Variants in TMEM63A observed in about 807,000 individuals in gnomAD.
TMEM63A encodes the protein transmembrane protein 63A.
In TMEM63A, 76 loss-of-function variants were observed where a neutral mutation model predicts 100.6. The observed-to-expected ratio is 0.76, with a 90% CI of 0.63 to 0.91. The LOEUF (loss-of-function observed/expected upper bound fraction) is 0.91, where lower values mean the gene tolerates loss of function less well. Among genes scored for constraint, TMEM63A ranks in the 40% least tolerant of loss-of-function variants. The pLI, the probability that TMEM63A is intolerant of heterozygous loss-of-function variation, is 0.00. For synonymous variants in TMEM63A, 401 were observed against 401.1 expected (o/e 1.00, Z 0.00); for missense variants, 876 against 1,008.8 (o/e 0.87, Z 1.78).
Position 225,848,885 on chromosome 1 carries a change from G to A in TMEM63A, c.2187+12C>T, listed in dbSNP as rs1401921680. 18 of 1,566,394 alleles carry A rather than the reference G, an allele frequency of 1.1e-5. No individual in the cohort carries two copies. Among genetic ancestry groups the A allele is most frequent in the African/African-American group, 6.7e-5 (5 of 74,314 alleles). On this transcript the variant is annotated intron_variant, in intron 22 of 24. Transcript: ENST00000366835. ...CAGGGCTTGACCGGGCAGTGGGGTC[G>A]GGGGCCTTTACTTTGTAGTTCAGAG...
intron 20 of TMEM63A, among the ~76,000 whole-genome samples, chr1:225,851,605 G>A (rs1447841222): frequency 6.6e-6 from 1 of 152,176 alleles, no homozygotes; most frequent in Non-Finnish European, 1.5e-5. Flanking sequence ...TTTGACCTCA[G>A]GTGATGCACT....
intron 5 of TMEM63A, chr1:225,871,734 G>C (rs1302676775): frequency 1.2e-5 from 6 of 502,384 alleles, no homozygotes; most frequent in Non-Finnish European, 2.1e-5. Context: ...ATAGGTGTAA[G>C]AGAGAGAAGT....
downstream of TMEM63A, chr1:225,845,398 C>T (rs1407982231): frequency 6.7e-7 from 1 of 1,492,244 alleles, no homozygotes; most frequent in Non-Finnish European, 9.0e-7. Context: ...GCCCTCCAGG[C>T]TTTTCTTGGG....
intron 3 of TMEM63A, among the ~76,000 whole-genome samples, 159 bp downstream of exon 3, chr1:225,877,236 A>G (rs1227509278): frequency 2.0e-5 from 3 of 152,224 alleles, no homozygotes; most frequent in Non-Finnish European, 4.4e-5. Context: ...GGTGCACAGA[A>G]GCTAAGTAAC....
chr1:225,872,405 T>G (rs1670553050), intron 4 of TMEM63A, among the ~76,000 whole-genome samples: 1 of 152,228 alleles, frequency 6.6e-6, no homozygotes, highest in South Asian at 2.1e-4. Flanking sequence ...AAATACTACA[T>G]TTTATCAAAT....
At chr1:225,880,536 T>G (rs564093373) in intron 1 of TMEM63A, among the ~76,000 whole-genome samples, 1 of 152,218 alleles carries the variant, frequency 6.6e-6, no homozygotes, top group South Asian at 2.1e-4. Flanking sequence ...TGAGAACCCC[T>G]GGCAATATTC....
At chr1:225,844,284 G>A (rs1668711388), downstream of TMEM63A, among the ~76,000 whole-genome samples, 5 of 151,600 alleles carry the variant, frequency 3.3e-5, no homozygotes. Context: ...GAGGACCTTG[G>A]GGTGATAAGA....
Position 225,867,976 on chromosome 1 carries a change from G to A in TMEM63A, c.426C>T (p.Phe142=). 1 of 1,614,178 alleles carries A rather than the reference G, an allele frequency of 6.2e-7. No homozygotes were observed. Residue 142 remains phenylalanine, a synonymous_variant, in exon 7 of 25, where the codon TTC becomes TTT. Coordinates refer to ENST00000366835, the MANE Select transcript of TMEM63A (RefSeq NM_014698.3). This position sits in a 1 kb window ranked among gnomAD's most constrained non-coding sequence, Gnocchi z 4.6. ...CCAACAGGAAGATGATGTGCCTCTGGAAGGACAGGTAGTGGATGGCGTCCT... is the reference window on the plus strand; with the variant it reads ...CCAACAGGAAGATGATGTGCCTCTGAAAGGACAGGTAGTGGATGGCGTCCT... ...CGEDAIHYLS[F]QRHIIFLLVV...
intron 18 of TMEM63A, among the ~76,000 whole-genome samples, chr1:225,855,136 T>C (rs1239290361): frequency 6.6e-6 from 1 of 152,158 alleles, no homozygotes; most frequent in African/African-American, 2.4e-5. Context: ...TCCTTACAGG[T>C]AAGCACATTC....
intron 6 of TMEM63A, among the ~76,000 whole-genome samples, chr1:225,870,175 C>A (rs1053590257): frequency 1.1e-4 from 16 of 151,868 alleles, no homozygotes; most frequent in African/African-American, 3.9e-4. Context: ...CATGGAGAAA[C>A]CCTGTCTCTA....
In TMEM63A at chr1:225,878,875, C is replaced by T. The variant is rs148792346; in HGVS notation, c.-15+345G>A. Among the ~76,000 whole-genome samples the T allele has an allele frequency of 3.3e-3, 381 of 114,468 alleles. 2 individuals are homozygous for T. The highest frequency in any genetic ancestry group is 4.9e-3 in the Non-Finnish European group (272 of 55,638). The allele number at this position is 114,468 out of a possible 152,430, so 75.1% of individuals were successfully genotyped here. ...TCACACATGGACACCTACCTACCTA[C>T]CTACCTACCTACACACACACACACA... On this transcript the variant is annotated intron_variant, in intron 2 of 24. Transcript: ENST00000366835.
chr1:225,861,805 C>A, intron 13 of TMEM63A: 1 of 213,274 alleles, frequency 4.7e-6, no homozygotes, highest in Non-Finnish European at 9.7e-6. Context: ...CACAGCTTTG[C>A]ATTTGTGGGA....
chr1:225,876,727 C>G (rs1478098658), intron 3 of TMEM63A, among the ~76,000 whole-genome samples: 1 of 151,856 alleles, frequency 6.6e-6, no homozygotes, highest in African/African-American at 2.4e-5. Flanking sequence ...CGGCTCATTG[C>G]AACTCTGCCT....
intron 23 of TMEM63A, 100 bp downstream of exon 23, chr1:225,848,392 A>C: frequency 1.8e-5 from 23 of 1,260,240 alleles, no homozygotes; most frequent in Non-Finnish European, 2.5e-5. Context: ...GATCTTAGCA[A>C]GAGATGATCA....
chr1:225,854,244 G>A (rs1267363563), intron 18 of TMEM63A, among the ~76,000 whole-genome samples: 2 of 152,194 alleles, frequency 1.3e-5, no homozygotes, highest in African/African-American at 4.8e-5. Flanking sequence ...GGATGTCCTC[G>A]TCTGCTGCAC....
intron 21 of TMEM63A, among the ~76,000 whole-genome samples, chr1:225,849,422 C>T (rs113677999): frequency 4.5e-4 from 68 of 152,332 alleles, no homozygotes; most frequent in African/African-American, 1.5e-3. Flanking sequence ...CTCTCCTCCA[C>T]GTCCCCACCT....
chr1:225,879,257 T>C lies in TMEM63A; in HGVS notation c.-52A>G, dbSNP rs537073820. 4 of 152,346 alleles carry C rather than the reference T, an allele frequency of 2.6e-5. No homozygotes were observed. The East Asian group carries it at 5.8e-4, about 22-fold the overall frequency. The allele number at this position is 152,346 out of a possible 1,614,324, so 9.4% of individuals were successfully genotyped here. A position where few individuals can be genotyped will look rare whatever the true frequency, so the allele number is the denominator to read the frequency against. On this transcript the variant is annotated 5_prime_UTR_variant, in exon 2 of 25. Coordinates refer to ENST00000366835, the MANE Select transcript of TMEM63A (RefSeq NM_014698.3). ...GAAGGAAGGACTGTGGATGGGCCCG[T>C]TGGAGAGGTCCTCAGTTGGAGCTGT...
intron 21 of TMEM63A, 53 bp from the exon 22 acceptor site, chr1:225,849,065 AC>A: frequency 8.1e-7 from 1 of 1,241,284 alleles, no homozygotes; most frequent in Non-Finnish European, 1.1e-6. Context: ...GCCACCACCT[AC>A]CCTCACCCTG....
chr1:225,881,919 G>A (rs1336696070), intron 1 of TMEM63A, among the ~76,000 whole-genome samples: 1 of 152,108 alleles, frequency 6.6e-6, no homozygotes, highest in Non-Finnish European at 1.5e-5. Flanking sequence ...CAGGAGAGTC[G>A]GACGCTTGGC....
Sources: gnomAD v4.1 joint callset for allele counts (sites outside exome capture counted in the v4.1 genomes callset) on GRCh38, gnomAD v4.1.1 for gene constraint, Gnocchi (gnomAD v3.1) non-coding constraint, MANE v1.5 for transcripts, NCBI Gene and HGNC (gene_info 2026-07-23, HGNC 2026-07-21) for gene names.